Variants in RPH3A observed in about 807,000 individuals in gnomAD.
RPH3A encodes rabphilin-3A.
In RPH3A, 48 loss-of-function variants were observed where a neutral mutation model predicts 102.2. That is an observed-to-expected ratio of 0.47 (90% CI 0.37 to 0.60). The LOEUF (loss-of-function observed/expected upper bound fraction) is 0.60. Ranked by LOEUF, RPH3A falls within the 20% of genes least tolerant of loss-of-function variation. RPH3A has a pLI of 0.00. For synonymous variants in RPH3A, 310 were observed against 324.3 expected, an observed-to-expected ratio of 0.96 and a Z score of 0.47; for missense variants, 781 against 910.1, an observed-to-expected ratio of 0.86 and a Z score of 1.83.
At chr12:112,715,255 C>G (rs2040505577) in intron 1 of RPH3A, among the ~76,000 whole-genome samples, 1 of 152,188 alleles carries the variant, frequency 6.6e-6, no homozygotes, top group Non-Finnish European at 1.5e-5. Context: ...TCATCATTAG[C>G]TCTCTACTGA....
intron 4 of RPH3A, among the ~76,000 whole-genome samples, chr12:112,837,300 A>G (rs1437116933): frequency 2.0e-5 from 3 of 152,050 alleles, no homozygotes; most frequent in African/African-American, 7.2e-5. Flanking sequence ...TGGTGGTGGG[A>G]TCGAATGAGA....
intron 6 of RPH3A, 126 bp downstream of exon 6, chr12:112,865,669 A>T: frequency 9.3e-7 from 1 of 1,077,772 alleles, no homozygotes. Context: ...ACTTGCCAGG[A>T]TATGGTTTTT....
chr12:112,812,799 A>G (rs191452066), intron 2 of RPH3A, among the ~76,000 whole-genome samples: 1 of 152,264 alleles, frequency 6.6e-6, no homozygotes, highest in African/African-American at 2.4e-5. Context: ...GCTACTGTCT[A>G]TGGTGCTGAA....
At chr12:112,650,600 C>G (rs1181499868) in intron 1 of RPH3A, among the ~76,000 whole-genome samples, 1 of 152,080 alleles carries the variant, frequency 6.6e-6, no homozygotes, top group African/African-American at 2.4e-5. Context: ...CAAAATGTAA[C>G]TTATGCCAGC....
chr12:112,703,080 C>T (rs2040405661), intron 1 of RPH3A, among the ~76,000 whole-genome samples: 1 of 152,092 alleles, frequency 6.6e-6, no homozygotes, highest in South Asian at 2.1e-4. Flanking sequence ...AGGGATGTGC[C>T]AGTTCTGAGA....
At chr12:112,680,600 C>G (rs1048195347) in intron 1 of RPH3A, among the ~76,000 whole-genome samples, 2 of 152,170 alleles carry the variant, frequency 1.3e-5, no homozygotes, top group African/African-American at 4.8e-5. Context: ...ACCTACCATT[C>G]CCATCCCACC....
chr12:112,618,288 T>G (rs2039696430), intron 1 of RPH3A, among the ~76,000 whole-genome samples: 1 of 150,362 alleles, frequency 6.7e-6, no homozygotes, highest in African/African-American at 2.5e-5. Flanking sequence ...CAGTCTCACC[T>G]GCTTCTCCTC....
At chr12:112,735,467 A>C (rs1409955185) in intron 1 of RPH3A, among the ~76,000 whole-genome samples, 1 of 152,254 alleles carries the variant, frequency 6.6e-6, no homozygotes, top group Non-Finnish European at 1.5e-5. Context: ...CCTCTTCCAG[A>C]TAAAAATGTC....
At chr12:112,667,640 C>G (rs1486181487) in intron 1 of RPH3A, among the ~76,000 whole-genome samples, 2 of 132,124 alleles carry the variant, frequency 1.5e-5, no homozygotes, top group Admixed American at 1.6e-4. Context: ...GAGCTATCAC[C>G]ATTCATGGGC....
At chr12:112,803,192 C>T (rs1041485708) in intron 2 of RPH3A, among the ~76,000 whole-genome samples, 3 of 152,128 alleles carry the variant, frequency 2.0e-5, no homozygotes, top group African/African-American at 7.2e-5. Flanking sequence ...GTCTCTGATG[C>T]CCTGAGGGGC....
At chr12:112,630,471 AC>A (rs777097426) in intron 1 of RPH3A, among the ~76,000 whole-genome samples, 73 of 152,130 alleles carry the variant, frequency 4.8e-4, no homozygotes, top group Non-Finnish European at 9.0e-4. Context: ...CATAAATTCC[AC>A]CATGGAGTTG....
In RPH3A at chr12:112,593,182, C is replaced by T. The variant is rs188879784; in HGVS notation, c.-140+17863C>T. 3.9e-4 allele frequency among the ~76,000 whole-genome samples: 60 copies of T among 152,208 alleles called. 1 individual carries two copies. Among genetic ancestry groups the T allele is most frequent in the Admixed American group, 1.7e-3 (26 of 15,290 alleles). ...TCTCTCTGCTCATGTGAGGATACAA[C>T]GAGAAGACAGTCATCTGTAAACCAG... is the stretch of plus-strand genomic sequence containing the variant. On this transcript the variant is annotated intron_variant, in intron 1 of 21. Transcript: ENST00000543106.
chr12:112,855,259 T>C (rs1472958374), intron 5 of RPH3A, among the ~76,000 whole-genome samples: 1 of 152,246 alleles, frequency 6.6e-6, no homozygotes, highest in African/African-American at 2.4e-5. Context: ...GAGTGAATAA[T>C]AGAGCTTCTC....
At chr12:112,616,226 A>G (rs1452173872) in intron 1 of RPH3A, among the ~76,000 whole-genome samples, 1 of 152,090 alleles carries the variant, frequency 6.6e-6, no homozygotes, top group East Asian at 1.9e-4. Flanking sequence ...GGCTCACTGC[A>G]ACCTCCGCCT....
At chr12:112,883,952 T>C (rs1039011689) in intron 16 of RPH3A, among the ~76,000 whole-genome samples, 15 of 152,180 alleles carry the variant, frequency 9.9e-5, no homozygotes, top group Non-Finnish European at 1.9e-4. Context: ...TTACAAATAG[T>C]GCTGCTAGGA....
chr12:112,826,293 G>A (rs562877744), intron 2 of RPH3A, among the ~76,000 whole-genome samples: 4 of 152,308 alleles, frequency 2.6e-5, no homozygotes, highest in Non-Finnish European at 5.9e-5. Flanking sequence ...TTTGGGGCTG[G>A]GAAAGAGGGC....
In RPH3A at chr12:112,706,741, C is replaced by T. The variant is rs1001544302; in HGVS notation, c.-139-85402C>T. On this transcript the variant is annotated intron_variant, in intron 1 of 21. Coordinates refer to the RPH3A transcript ENST00000543106. The stretch of plus-strand genomic sequence containing the variant: ...AGCCAGGGATGGGAGAACTGAATGG[C>T]CCCAAATAATAACTTTGAAATGCTC... Among the ~76,000 whole-genome samples the T allele has an allele frequency of 3.9e-5, 6 of 152,224 alleles. No homozygotes were observed. The East Asian group carries it at 7.7e-4, about 20-fold the overall frequency.
intron 1 of RPH3A, among the ~76,000 whole-genome samples, chr12:112,655,536 T>G (rs1490225319): frequency 7.3e-5 from 11 of 151,134 alleles, no homozygotes; most frequent in African/African-American, 2.4e-4. Flanking sequence ...CATGTCTGAT[T>G]TGGGCCCATC....
intron 5 of RPH3A, among the ~76,000 whole-genome samples, chr12:112,853,827 A>G (rs1018745490): frequency 4.8e-5 from 7 of 145,446 alleles, no homozygotes; most frequent in Admixed American, 3.4e-4. Flanking sequence ...GACTGTCTAG[A>G]AAAAAAAAAA....
Sources: allele counts gnomAD v4.1 joint callset (sites outside exome capture counted in the v4.1 genomes callset), GRCh38; gene constraint gnomAD v4.1.1; transcripts MANE v1.5; gene names NCBI Gene and HGNC (gene_info 2026-07-23, HGNC 2026-07-21).